NEDD4L: variants seen among roughly 807,000 people sequenced by gnomAD.
NEDD4L encodes NEDD4 like E3 ubiquitin protein ligase, also known as E3 ubiquitin-protein ligase NEDD4-like.
In NEDD4L, 54 loss-of-function variants were observed where a neutral mutation model predicts 148.9. That is an observed-to-expected ratio of 0.36 (90% CI 0.29 to 0.45). The LOEUF is 0.45. Among genes scored for constraint, NEDD4L ranks in the 20% least tolerant of loss-of-function variants. The pLI, the probability that NEDD4L is intolerant of heterozygous loss-of-function variation, is 1.00. For synonymous variants in NEDD4L, 433 were observed against 440.7 expected, an observed-to-expected ratio of 0.98 and a Z score of 0.22; for missense variants, 856 against 1,233.8, an observed-to-expected ratio of 0.69 and a Z score of 4.59.
intron 1 of NEDD4L, among the ~76,000 whole-genome samples, chr18:58,072,898 A>G (rs1333639295): frequency 6.7e-6 from 1 of 150,236 alleles, no homozygotes; most frequent in Non-Finnish European, 1.5e-5. Flanking sequence ...ACACACACAC[A>G]CACACACAAA....
At chr18:58,348,886 A>AT (rs542647623) in intron 16 of NEDD4L, among the ~76,000 whole-genome samples, 1 of 152,256 alleles carries the variant, frequency 6.6e-6, no homozygotes, top group South Asian at 2.1e-4. Context: ...TAAGAAAAAA[A>AT]TTTTGTAAAC....
intron 2 of NEDD4L, among the ~76,000 whole-genome samples, chr18:58,231,723 C>G (rs758079953): frequency 6.6e-6 from 1 of 151,896 alleles, no homozygotes; most frequent in East Asian, 1.9e-4. Flanking sequence ...CCACCATGCC[C>G]GGCTAATTTT....
chr18:58,313,796 T>C (rs2057960210), intron 5 of NEDD4L, among the ~76,000 whole-genome samples: 2 of 152,224 alleles, frequency 1.3e-5, no homozygotes, highest in Admixed American at 6.5e-5. Context: ...TTTAACCTGT[T>C]TTATCAGTTT....
chr18:58,046,248 C>T (rs1476566767), intron 1 of NEDD4L: 1 of 152,010 alleles, frequency 6.6e-6, no homozygotes, highest in Non-Finnish European at 1.5e-5. Context: ...TTCATTGACC[C>T]GGGGGGCTTC....
chr18:58,385,181 C>T (rs1216274360), intron 25 of NEDD4L, among the ~76,000 whole-genome samples: 2 of 152,100 alleles, frequency 1.3e-5, no homozygotes, highest in Non-Finnish European at 2.9e-5. Context: ...TGTTCATACC[C>T]CATGAACTTT....
intron 2 of NEDD4L, among the ~76,000 whole-genome samples, chr18:58,211,777 T>C (rs1488350874): frequency 6.6e-6 from 1 of 152,236 alleles, no homozygotes; most frequent in East Asian, 1.9e-4. Context: ...AATGTGGTAT[T>C]GATCCAGAAT....
intron 1 of NEDD4L, among the ~76,000 whole-genome samples, chr18:58,150,532 T>C (rs8095085): frequency 0.056 from 8,534 of 152,316 alleles, 780 homozygotes; most frequent in African/African-American, 0.19. Context: ...GGCCGTTTTT[T>C]GATAAATTTT....
chr18:58,077,635 C>T (rs2083237903), intron 1 of NEDD4L, among the ~76,000 whole-genome samples: 1 of 152,158 alleles, frequency 6.6e-6, no homozygotes, highest in Non-Finnish European at 1.5e-5. Flanking sequence ...GCCCAGGAAT[C>T]AGTACTTTGA....
intron 5 of NEDD4L, among the ~76,000 whole-genome samples, chr18:58,308,418 C>T (rs1198624299): frequency 6.6e-6 from 1 of 152,210 alleles, no homozygotes; most frequent in Non-Finnish European, 1.5e-5. Flanking sequence ...GACAGCTTTG[C>T]AGCAGATGTA....
intron 19 of NEDD4L, among the ~76,000 whole-genome samples, chr18:58,357,880 C>T (rs2145843848): frequency 6.6e-6 from 1 of 152,286 alleles, no homozygotes; most frequent in South Asian, 2.1e-4. Context: ...CATCAGGAGA[C>T]ATTTGGTATC....
intron 5 of NEDD4L, among the ~76,000 whole-genome samples, chr18:58,257,723 C>G (rs1434458264): frequency 1.3e-5 from 2 of 152,196 alleles, no homozygotes; most frequent in Non-Finnish European, 2.9e-5. Flanking sequence ...CATATGATGA[C>G]TCTGCAGCTT....
chr18:58,206,987 T>C (rs1405756708), intron 2 of NEDD4L, among the ~76,000 whole-genome samples: 4 of 152,242 alleles, frequency 2.6e-5, no homozygotes, highest in Non-Finnish European at 2.9e-5. Context: ...CTTTGAATTG[T>C]GTCTCCCCTG....
In NEDD4L at chr18:58,373,272, A is replaced by G; in HGVS notation, c.2352+3A>G. 1 of 1,538,366 alleles carries G rather than the reference A, an allele frequency of 6.5e-7. No individual in the cohort carries two copies. The highest frequency in any genetic ancestry group is 8.9e-7 in the Non-Finnish European group (1 of 1,125,654). ...TAGACGAAGAAAACTTTGGACAGGTACATGTGGGTAACCCTGGGAACTCTT... is the reference window on the plus strand; with the variant it reads ...TAGACGAAGAAAACTTTGGACAGGTGCATGTGGGTAACCCTGGGAACTCTT... On this transcript the variant is annotated splice_donor_region_variant and intron_variant, in intron 24 of 30. Transcript: ENST00000400345.
intron 18 of NEDD4L, among the ~76,000 whole-genome samples, chr18:58,355,371 G>T (rs1175714185): frequency 6.6e-6 from 1 of 152,204 alleles, no homozygotes; most frequent in South Asian, 2.1e-4. Context: ...ACCAATTTTG[G>T]TGTTGGGTGA....
At chr18:58,163,314 G>C (rs79532707) in intron 1 of NEDD4L, among the ~76,000 whole-genome samples, 1 of 152,328 alleles carries the variant, frequency 6.6e-6, no homozygotes, top group African/African-American at 2.4e-5. Context: ...ATGATTAGCA[G>C]TAGGGTACAA....
intron 5 of NEDD4L, among the ~76,000 whole-genome samples, chr18:58,284,247 T>C (rs2053586307): frequency 6.6e-6 from 1 of 152,224 alleles, no homozygotes; most frequent in Non-Finnish European, 1.5e-5. Context: ...GGAGAACCAC[T>C]TGGGAAATTG....
At chr18:58,332,434 G>A (rs61346509) in intron 11 of NEDD4L, among the ~76,000 whole-genome samples, 1 of 152,134 alleles carries the variant, frequency 6.6e-6, no homozygotes, top group African/African-American at 2.4e-5. Context: ...GATCACCTGA[G>A]GTCAGGAGTT....
chr18:58,077,779 C>T (rs2083245464), intron 1 of NEDD4L, among the ~76,000 whole-genome samples: 1 of 152,162 alleles, frequency 6.6e-6, no homozygotes, highest in Non-Finnish European at 1.5e-5. Context: ...GACCATAGAG[C>T]TCCATTTTTG....
intron 18 of NEDD4L, among the ~76,000 whole-genome samples, chr18:58,352,810 A>G (rs1172107314): frequency 6.6e-6 from 1 of 152,246 alleles, no homozygotes; most frequent in African/African-American, 2.4e-5. Flanking sequence ...TGCACACAAT[A>G]TTGTGACAGT....
Sources: gnomAD v4.1 joint callset for allele counts (sites outside exome capture counted in the v4.1 genomes callset) on GRCh38, gnomAD v4.1.1 for gene constraint, MANE v1.5 for transcripts, NCBI Gene and HGNC (gene_info 2026-07-23, HGNC 2026-07-21) for gene names.